PRKDC: variants seen among roughly 807,000 people sequenced by gnomAD.
PRKDC encodes the protein DNA-dependent protein kinase catalytic subunit.
Under a neutral mutation model 486.9 loss-of-function variants are expected in PRKDC, and 82 were observed. The ratio of observed to expected loss-of-function variants is 0.17; its 90% confidence interval spans 0.14 to 0.20. The LOEUF (loss-of-function observed/expected upper bound fraction) is 0.20, where lower values mean the gene tolerates loss of function less well. Among genes scored for constraint, PRKDC ranks in the 10% least tolerant of loss-of-function variants. The pLI is 1.00. For synonymous variants in PRKDC, 1,895 were observed against 1,837.0 expected, an observed-to-expected ratio of 1.03 and a Z score of -0.81; for missense variants, 4,504 against 5,038.2, an observed-to-expected ratio of 0.89 and a Z score of 3.21.
intron 16 of PRKDC, among the ~76,000 whole-genome samples, chr8:47,931,765 C>T (rs1230619879): frequency 6.6e-6 from 1 of 152,210 alleles, no homozygotes; most frequent in Admixed American, 6.5e-5. Context: ...ACAATCACTG[C>T]AGTCGAAAGC....
chr8:47,861,102 C>A (rs1384730055), intron 44 of PRKDC, 131 bp from the exon 45 acceptor site: 1 of 649,764 alleles, frequency 1.5e-6, no homozygotes, highest in East Asian at 2.9e-5. Context: ...TAAAAGCACT[C>A]AAAAATAACC....
intron 51 of PRKDC, 92 bp from the exon 52 acceptor site, chr8:47,852,876 G>T: frequency 1.2e-6 from 1 of 823,216 alleles, no homozygotes; most frequent in Non-Finnish European, 1.9e-6. Context: ...ATGTCATATT[G>T]ACAGCCTAAG....
intron 46 of PRKDC, 80 bp downstream of exon 46, chr8:47,859,531 T>C (rs2088623856): frequency 1.4e-6 from 2 of 1,479,812 alleles, no homozygotes; most frequent in Non-Finnish European, 1.8e-6. Context: ...TGGCTTCCTG[T>C]AGTAACAGCA....
At position 47,819,389 on chromosome 8, in the gene PRKDC, T is replaced by A. The variant is rs565801685; in HGVS notation, c.9445+13A>T. ...ATTAGAAATGAAAAAAAAAGACCGATGAAAAAAATTACCTTGTTTGCTTAT... is the reference window on the plus strand; with the variant it reads ...ATTAGAAATGAAAAAAAAAGACCGAAGAAAAAAATTACCTTGTTTGCTTAT... On this transcript the variant is annotated intron_variant, in intron 67 of 85. Coordinates refer to ENST00000314191, the MANE Select transcript of PRKDC (RefSeq NM_006904.7). 6.2e-6 allele frequency: 9 copies of A among 1,454,092 alleles called. No individual in the cohort carries two copies. In the South Asian group the frequency reaches 1.2e-4, roughly 19 times the overall value. The allele number at this position is 1,454,092 out of a possible 1,614,324, so 90.1% of individuals were successfully genotyped here.
chr8:47,908,244 C>T (rs2089828844), intron 25 of PRKDC, among the ~76,000 whole-genome samples: 2 of 152,330 alleles, frequency 1.3e-5, no homozygotes, highest in South Asian at 4.1e-4. Flanking sequence ...ATTTGAAGTT[C>T]CTTGTTTACA....
intron 62 of PRKDC, 105 bp from the exon 63 acceptor site, chr8:47,826,966 A>ACCAT: frequency 9.2e-7 from 1 of 1,092,710 alleles, no homozygotes; most frequent in Non-Finnish European, 1.3e-6. Context: ...CCATGTGGGT[A>ACCAT]GTGATATCAC....
In PRKDC at chr8:47,934,051, C is replaced by T. The variant is rs2090304785; in HGVS notation, c.1537G>A (p.Glu513Lys). 1.1e-5 allele frequency: 18 copies of T among 1,613,796 alleles called. No individual in the cohort carries two copies. The highest frequency in any genetic ancestry group is 1.5e-5 in the Non-Finnish European group (18 of 1,179,758). ...ACCTTCCATTTGCCAGTTCTGACTTCCCCTGAAGCACGGTGGTCTTCAGAT... is the reference window on the plus strand; with the variant it reads ...ACCTTCCATTTGCCAGTTCTGACTTTCCCTGAAGCACGGTGGTCTTCAGAT... ...SESEDHRASG[E>K]VRTGKWKVPT... The change falls in exon 15 of 86, where the codon GAA becomes AAA. Residue 513 changes from glutamate (E) to lysine (K), a missense_variant. Coordinates refer to ENST00000314191, the MANE Select transcript of PRKDC (RefSeq NM_006904.7).
At chr8:47,796,282 C>T (rs187801003) in intron 73 of PRKDC, among the ~76,000 whole-genome samples, 19 of 151,772 alleles carry the variant, frequency 1.3e-4, no homozygotes, top group African/African-American at 3.9e-4. Flanking sequence ...AAATCACTGT[C>T]GAGCCGAGAT....
intron 24 of PRKDC, among the ~76,000 whole-genome samples, chr8:47,913,114 C>G (rs2089932519): frequency 6.6e-6 from 1 of 152,130 alleles, no homozygotes; most frequent in South Asian, 2.1e-4. Flanking sequence ...CTATTGCACA[C>G]TAAATAGACC....
intron 61 of PRKDC, among the ~76,000 whole-genome samples, chr8:47,828,706 T>TA (rs1380798332): frequency 1.1e-4 from 17 of 152,340 alleles, no homozygotes; most frequent in Admixed American, 7.8e-4. Context: ...TTAGCCCAGA[T>TA]AAAGTGCAGC....
chr8:47,797,471 C>T (rs964231257), intron 73 of PRKDC, among the ~76,000 whole-genome samples: 7 of 152,192 alleles, frequency 4.6e-5, no homozygotes, highest in South Asian at 4.2e-4. Context: ...ACTGGGTCCC[C>T]GCAGCCCAGA....
At position 47,857,238 on chromosome 8, in the gene PRKDC, T is replaced by C. The variant is rs771522444; in HGVS notation, c.6527A>G (p.Asn2176Ser). 10 of 1,613,930 alleles carry C rather than the reference T, an allele frequency of 6.2e-6. No individual in the cohort carries two copies. Among genetic ancestry groups the C allele is most frequent in the African/African-American group, 1.3e-5 (1 of 74,950 alleles). Residue 2176 changes from asparagine (N) to serine (S), a missense_variant, in exon 49 of 86, where the codon AAC becomes AGC. Asn to Ser is a conservative substitution (Grantham distance 46, BLOSUM62 1). Coordinates refer to ENST00000314191, the MANE Select transcript of PRKDC (RefSeq NM_006904.7). Reference protein sequence around the residue: ...SPLLQLAASENNGGEGIHYMV... With the variant: ...SPLLQLAASESNGGEGIHYMV... Reference sequence around the variant, plus strand: ...GTAGTGAATTCCTTCTCCTCCATTGTTTTCAGAAGCAGCCAGCTGCAGCAA... The same window carrying C: ...GTAGTGAATTCCTTCTCCTCCATTGCTTTCAGAAGCAGCCAGCTGCAGCAA...
In PRKDC at chr8:47,820,853, C is replaced by T. The variant is rs1469664349; in HGVS notation, c.9202G>A (p.Ala3068Thr). The change falls in exon 66 of 86, where the codon GCT becomes ACT. Residue 3068 changes from alanine to threonine, a missense_variant. Coordinates refer to ENST00000314191, the MANE Select transcript of PRKDC (RefSeq NM_006904.7). ...DQSLLTFIDK[A>T]MHGELQKAIL... The stretch of plus-strand genomic sequence containing the variant: ...GCCTTCTGGAGCTCCCCGTGCATAG[C>T]TTTGTCAATAAATGTCAGCAGGGAC... 1 of 1,612,414 alleles carries T rather than the reference C, an allele frequency of 6.2e-7. No individual in the cohort carries two copies. The highest frequency in any genetic ancestry group is 8.5e-7 in the Non-Finnish European group (1 of 1,178,878).
intron 83 of PRKDC, 88 bp downstream of exon 83, chr8:47,778,371 C>T: frequency 5.1e-6 from 7 of 1,382,158 alleles, no homozygotes; most frequent in Non-Finnish European, 6.8e-6. Context: ...TGTTGTTTTT[C>T]CTTAAAAACT....
rs577032769 is a variant in PRKDC at position 47,802,606 on chromosome 8, C to G, written c.9922+700G>C. Among the ~76,000 whole-genome samples, 1,177 of 151,188 alleles carry G rather than the reference C, an allele frequency of 7.8e-3. 9 individuals are homozygous for G. Among genetic ancestry groups the G allele is most frequent in the Non-Finnish European group, 0.011 (734 of 67,824 alleles). ...CATTCTCCTGCCTCAGCCTCCAGAGCAGCTTCGAAGACAGGCGCCTGCCAC... is the reference window on the plus strand; with the variant it reads ...CATTCTCCTGCCTCAGCCTCCAGAGGAGCTTCGAAGACAGGCGCCTGCCAC... On this transcript the variant is annotated intron_variant, in intron 70 of 85. Transcript: ENST00000314191.
At chr8:47,957,468 C>T in intron 1 of PRKDC, 37 bp from the exon 2 acceptor site, 1 of 1,501,076 alleles carries the variant, frequency 6.7e-7, no homozygotes, top group Non-Finnish European at 9.1e-7. Flanking sequence ...TAAGAGAGTG[C>T]CAAGAGCATC....
intron 43 of PRKDC, 35 bp downstream of exon 43, chr8:47,862,338 C>A: frequency 6.3e-7 from 1 of 1,577,144 alleles, no homozygotes; most frequent in South Asian, 1.1e-5. Context: ...TGAACTCCTA[C>A]AATAACAATA....
intron 51 of PRKDC, among the ~76,000 whole-genome samples, chr8:47,853,863 G>A (rs2088473527): frequency 6.6e-6 from 1 of 152,142 alleles, no homozygotes; most frequent in Non-Finnish European, 1.5e-5. Flanking sequence ...ATGCGGTCTT[G>A]CTATGCTGTC....
At chr8:47,794,912 T>C (rs935629114) in intron 73 of PRKDC, among the ~76,000 whole-genome samples, 1 of 152,202 alleles carries the variant, frequency 6.6e-6, no homozygotes, top group East Asian at 1.9e-4. Context: ...TTTTTTGAGA[T>C]GGGGTCTCGC....
Sources: allele counts gnomAD v4.1 joint callset (sites outside exome capture counted in the v4.1 genomes callset), GRCh38; gene constraint gnomAD v4.1.1; transcripts MANE v1.5; gene names NCBI Gene and HGNC (gene_info 2026-07-23, HGNC 2026-07-21).